ADGRD2: variants seen among roughly 807,000 people sequenced by gnomAD.
The protein encoded by ADGRD2 is G protein-coupled receptor PGR24.
A neutral mutation model predicts 44.4 loss-of-function variants in ADGRD2; 71 were observed. That is an observed-to-expected ratio of 1.60 (90% CI 1.32 to 1.95). The LOEUF (loss-of-function observed/expected upper bound fraction) is 1.95. ADGRD2 is among the 30% of genes most tolerant of loss of function. ADGRD2 has a pLI of 0.00. For missense variants in ADGRD2, 1,039 were observed against 512.4 expected (o/e 2.03, Z -9.92); for synonymous variants, 481 against 224.8 (o/e 2.14, Z -10.19).
chr9:124,466,031 T>C, intron 10 of ADGRD2: 1 of 363,440 alleles, frequency 2.8e-6, no homozygotes, highest in Middle Eastern at 7.0e-4. Flanking sequence ...GCTCAGTAAT[T>C]AATTAAGTTG....
intron 21 of ADGRD2, among the ~76,000 whole-genome samples, chr9:124,477,779 C>A (rs1832075401): frequency 1.3e-5 from 2 of 152,072 alleles, no homozygotes; most frequent in African/African-American, 2.4e-5. Context: ...GCCCAGGCGC[C>A]CCCCGGGGCC....
At chr9:124,457,740 T>A (rs1219727274) in intron 8 of ADGRD2, 134 bp downstream of exon 11, 1 of 552,828 alleles carries the variant, frequency 1.8e-6, no homozygotes, top group Non-Finnish European at 3.2e-6. Context: ...CATTACTACT[T>A]GCCTTGTGGC....
intron 10 of ADGRD2, among the ~76,000 whole-genome samples, chr9:124,461,687 T>C (rs911050585): frequency 3.3e-5 from 5 of 152,112 alleles, no homozygotes; most frequent in Non-Finnish European, 7.4e-5. Context: ...TGTGCCTGTA[T>C]AGTAAGCCTT....
intron 10 of ADGRD2, chr9:124,465,574 A>G (rs1006044478): frequency 6.6e-6 from 1 of 151,706 alleles, no homozygotes; most frequent in Admixed American, 6.6e-5. Context: ...CTGGTCTCGA[A>G]CTCCTGACCT....
chr9:124,464,127 T>G (rs1831769428), intron 10 of ADGRD2, among the ~76,000 whole-genome samples: 1 of 152,024 alleles, frequency 6.6e-6, no homozygotes, highest in Non-Finnish European at 1.5e-5. Flanking sequence ...CCAGCCTTGT[T>G]TAATATTCTA....
At chr9:124,463,369 T>A (rs1276800734) in intron 10 of ADGRD2, among the ~76,000 whole-genome samples, 2 of 152,246 alleles carry the variant, frequency 1.3e-5, no homozygotes, top group African/African-American at 4.8e-5. Flanking sequence ...TTATATATAT[T>A]GCTGGATTCA....
rs540572533 is a variant in ADGRD2 at position 124,466,884 on chromosome 9, G to A, written c.2026+471G>A. 98 of 152,912 alleles carry A rather than the reference G, an allele frequency of 6.4e-4. 1 individual carries two copies. In the South Asian group the frequency reaches 0.019, roughly 30 times the overall value. The allele number at this position is 152,912 out of a possible 1,614,324, so 9.5% of individuals were successfully genotyped here. A position where few individuals can be genotyped will look rare whatever the true frequency, so the allele number is the denominator to read the frequency against. ...CTCTAAGAGGATGTCAGGAGGGGTC[G>A]GATTCACTGGAGCTGGAAAGGGCCC... On this transcript the variant is annotated intron_variant, in intron 11 of 21. Coordinates refer to ENST00000334810, the Ensembl canonical transcript of ADGRD2.
At chr9:124,451,502 C>T (rs1831467570), upstream of ADGRD2, 6 of 341,822 alleles carry the variant, frequency 1.8e-5, no homozygotes, top group South Asian at 1.4e-4. Flanking sequence ...TGGTTCCCAG[C>T]TCAGTGGGGT....
chr9:124,463,954 C>T (rs1260908758), intron 10 of ADGRD2, among the ~76,000 whole-genome samples: 1 of 152,128 alleles, frequency 6.6e-6, no homozygotes, highest in Admixed American at 6.5e-5. Flanking sequence ...CCTTCCAGCT[C>T]ACCCTCCCAA....
upstream of ADGRD2, chr9:124,451,328 C>T (rs1831463499): frequency 4.7e-5 from 20 of 422,614 alleles, no homozygotes; most frequent in South Asian, 3.3e-4. Flanking sequence ...TGTTTCGCCC[C>T]TCTCTGGCCA....
intron 10 of ADGRD2, chr9:124,465,477 G>C (rs1035702214): frequency 6.6e-6 from 1 of 151,114 alleles, no homozygotes; most frequent in African/African-American, 2.4e-5. Context: ...TCAGCCTCCC[G>C]AGTAGCTGAG....
intron 10 of ADGRD2, among the ~76,000 whole-genome samples, chr9:124,458,925 C>T (rs992046911): frequency 2.6e-5 from 4 of 152,202 alleles, no homozygotes; most frequent in Non-Finnish European, 5.9e-5. Context: ...GCCACAGATA[C>T]GCAGCCTTCG....
At chr9:124,470,358 A>C (rs930548579) in intron 16 of ADGRD2, 136 bp from the exon 20 acceptor site, 1 of 589,992 alleles carries the variant, frequency 1.7e-6, no homozygotes, top group African/African-American at 1.9e-5. Flanking sequence ...GGCTCCCTCT[A>C]AGTCCTGCTG....
At chr9:124,456,885 C>T (rs958490221) in intron 7 of ADGRD2, among the ~76,000 whole-genome samples, 152 bp downstream of exon 10, 2 of 152,192 alleles carry the variant, frequency 1.3e-5, no homozygotes, top group Non-Finnish European at 2.9e-5. Context: ...CTCTCTCCCT[C>T]GATCTCCTAG....
rs1053196270 is a variant in ADGRD2 at position 124,469,392 on chromosome 9, G to A, written c.2521+37G>A. The A allele has an allele frequency of 1.1e-5, 8 of 718,120 alleles. No homozygotes were observed. In the African/African-American group the frequency reaches 1.4e-4, roughly 13 times the overall value. The allele number at this position is 718,120 out of a possible 1,614,324, so 44.5% of individuals were successfully genotyped here. A position where few individuals can be genotyped will look rare whatever the true frequency, so the allele number is the denominator to read the frequency against. On this transcript the variant is annotated intron_variant, in intron 15 of 21. Coordinates refer to ENST00000334810, the Ensembl canonical transcript of ADGRD2. Reference sequence around the variant, plus strand: ...ACCTGCAGGGGAGGGGCGTGTTGGGGATGGGGAAGTCCTCTTGCCCACTGA... The same window carrying A: ...ACCTGCAGGGGAGGGGCGTGTTGGGAATGGGGAAGTCCTCTTGCCCACTGA...
intron 8 of ADGRD2, among the ~76,000 whole-genome samples, 160 bp from the exon 12 acceptor site, chr9:124,457,953 C>A (rs1831648922): frequency 6.6e-6 from 1 of 152,196 alleles, no homozygotes; most frequent in South Asian, 2.1e-4. Context: ...GGAATTTTGG[C>A]TCTTCCACTT....
At chr9:124,463,889 G>A (rs1831764202) in intron 10 of ADGRD2, among the ~76,000 whole-genome samples, 1 of 152,116 alleles carries the variant, frequency 6.6e-6, no homozygotes, top group South Asian at 2.1e-4. Context: ...CCAGGCTGGA[G>A]TGCGGTGGCA....
rs1408260153 is a variant in ADGRD2 at position 124,454,434 on chromosome 9, CTG to C, written c.1023-49_1023-48del. On this transcript the variant is annotated intron_variant, in intron 4 of 21. Coordinates refer to ENST00000334810, the Ensembl canonical transcript of ADGRD2. The surrounding 1 kb of genome is among the most constrained non-coding windows in gnomAD (Gnocchi z 4.5). Reference sequence around the variant, plus strand: ...GAGGTCACTGAACAGGCTGGCATCTCTGGGCAGGGGTATTGCCCGGGGCCTAG... The same window carrying C: ...GAGGTCACTGAACAGGCTGGCATCTCGGCAGGGGTATTGCCCGGGGCCTAG... 1 of 691,152 alleles carries C rather than the reference CTG, an allele frequency of 1.4e-6. No homozygotes were observed. The highest frequency in any genetic ancestry group is 2.0e-5 in the Admixed American group (1 of 49,240). 42.8% of individuals were successfully genotyped at this position (691,152 alleles called of 1,614,324 possible).
intron 12 of ADGRD2, 104 bp downstream of exon 15, chr9:124,467,928 C>A (rs1588606756): frequency 1.4e-6 from 1 of 702,738 alleles, no homozygotes; most frequent in African/African-American, 1.8e-5. Context: ...CCCAGCAGAA[C>A]CTTGGTCTGA....
Sources: allele counts gnomAD v4.1 joint callset (sites outside exome capture counted in the v4.1 genomes callset), GRCh38; gene constraint gnomAD v4.1.1; non-coding constraint Gnocchi (gnomAD v3.1); transcripts MANE v1.5; gene names NCBI Gene and HGNC (gene_info 2026-07-23, HGNC 2026-07-21).